The following PTCSC3 variants were observed in gnomAD, a reference collection of about 807,000 sequenced individuals.
PTCSC3 encodes papillary thyroid carcinoma susceptibility candidate 3.
At chr14:36,145,725 G>C (rs1346123200) in intron 3 of PTCSC3, among the ~76,000 whole-genome samples, 1 of 130,618 alleles carries the variant, frequency 7.7e-6, no homozygotes, top group Non-Finnish European at 1.7e-5. Context: ...GTTTGCTCTT[G>C]CTTTTCTAGT....
intron 3 of PTCSC3, among the ~76,000 whole-genome samples, chr14:36,148,003 G>A (rs991562308): frequency 0.016 from 2,432 of 151,734 alleles, 69 homozygotes; most frequent in African/African-American, 0.053. Flanking sequence ...ACCCCCTTGA[G>A]GAGGCAGTCT....
At chr14:36,157,030 A>G (rs1594451821) in intron 2 of PTCSC3, among the ~76,000 whole-genome samples, 1 of 152,152 alleles carries the variant, frequency 6.6e-6, no homozygotes, top group African/African-American at 2.4e-5. Context: ...CCTCCCACCA[A>G]CAGTGTAAAA....
intron 3 of PTCSC3, among the ~76,000 whole-genome samples, chr14:36,144,200 G>T (rs1282389613): frequency 8.9e-4 from 133 of 150,096 alleles, no homozygotes; most frequent in African/African-American, 3.1e-3. Context: ...GTGAAGAAAG[G>T]CATTGGTAGC....
At chr14:36,148,589 G>A (rs539881559) in intron 3 of PTCSC3, among the ~76,000 whole-genome samples, 2 of 152,256 alleles carry the variant, frequency 1.3e-5, no homozygotes, top group South Asian at 4.1e-4. Context: ...GATGAACCTG[G>A]TACCTCAGAT....
intron 3 of PTCSC3, among the ~76,000 whole-genome samples, chr14:36,142,178 C>G (rs1270456651): frequency 6.6e-6 from 1 of 152,154 alleles, no homozygotes; most frequent in Non-Finnish European, 1.5e-5. Context: ...TATTCCTTAT[C>G]AAGCTGAAAA....
At chr14:36,159,596 T>G (rs1365496761) in intron 2 of PTCSC3, among the ~76,000 whole-genome samples, 3 of 152,246 alleles carry the variant, frequency 2.0e-5, no homozygotes, top group Non-Finnish European at 4.4e-5. Context: ...GATTGCACTG[T>G]GGTATGAGAT....
intron 3 of PTCSC3, among the ~76,000 whole-genome samples, chr14:36,151,811 G>A (rs1881730464): frequency 2.0e-5 from 3 of 152,084 alleles, no homozygotes; most frequent in Admixed American, 2.0e-4. Context: ...AGAATGCTCT[G>A]GGCATATTTC....
intron 1 of PTCSC3, among the ~76,000 whole-genome samples, chr14:36,165,510 G>C (rs1882068387): frequency 6.6e-6 from 1 of 151,440 alleles, no homozygotes; most frequent in African/African-American, 2.4e-5. Context: ...AACAGATTGA[G>C]AGTTAAAAAT....
At chr14:36,139,145 T>G (rs8014612) in intron 3 of PTCSC3, among the ~76,000 whole-genome samples, 2 of 115,676 alleles carry the variant, frequency 1.7e-5, no homozygotes, top group African/African-American at 7.0e-5. Context: ...AAAAAAGAAA[T>G]GCATATATGT....
At chr14:36,149,869 A>G (rs1881683404) in intron 3 of PTCSC3, among the ~76,000 whole-genome samples, 1 of 152,128 alleles carries the variant, frequency 6.6e-6, no homozygotes, top group African/African-American at 2.4e-5. Context: ...TCCCTTATCC[A>G]AAATGCTTAG....
downstream of PTCSC3, among the ~76,000 whole-genome samples, chr14:36,135,891 A>G (rs565068845): frequency 3.8e-4 from 56 of 145,690 alleles, no homozygotes; most frequent in Middle Eastern, 3.4e-3. Flanking sequence ...GTGTGTGTGT[A>G]TATATATATG....
intron 1 of PTCSC3, among the ~76,000 whole-genome samples, chr14:36,165,942 G>C (rs1230255079): frequency 6.6e-6 from 1 of 152,084 alleles, no homozygotes; most frequent in Non-Finnish European, 1.5e-5. Flanking sequence ...TTGAAAAGCT[G>C]TCAGTGAACA....
chr14:36,139,621 G>T (rs1881373625), intron 3 of PTCSC3, among the ~76,000 whole-genome samples: 1 of 151,964 alleles, frequency 6.6e-6, no homozygotes, highest in South Asian at 2.1e-4. Context: ...TGCAATTATG[G>T]TCCTTAGTTT....
At chr14:36,137,899 G>A (rs954913822) in intron 3 of PTCSC3, among the ~76,000 whole-genome samples, 23 of 152,156 alleles carry the variant, frequency 1.5e-4, no homozygotes, top group African/African-American at 5.6e-4. Context: ...CTAGAGTTCA[G>A]AGGAAGAATC....
chr14:36,150,317 G>A (rs952946878), intron 3 of PTCSC3, among the ~76,000 whole-genome samples: 1 of 152,124 alleles, frequency 6.6e-6, no homozygotes, highest in Non-Finnish European at 1.5e-5. Context: ...GAGGCCCAAG[G>A]CACTTTGTTC....
At chr14:36,144,009 T>A (rs1210206820) in intron 3 of PTCSC3, among the ~76,000 whole-genome samples, 1 of 152,218 alleles carries the variant, frequency 6.6e-6, no homozygotes, top group Non-Finnish European at 1.5e-5. Context: ...TTCTGTTCCA[T>A]TGATCTATAT....
chr14:36,153,996 G>A (rs1037575677), intron 2 of PTCSC3: 2 of 151,680 alleles, frequency 1.3e-5, no homozygotes, highest in African/African-American at 4.8e-5. Context: ...AGCCTGGGAG[G>A]TCGAGCCTGC....
In PTCSC3 at chr14:36,159,843, T is replaced by C. The variant is rs146188400; in HGVS notation, n.231+2781A>G. On this transcript the variant is annotated intron_variant and non_coding_transcript_variant, in intron 2 of 3. Coordinates refer to ENST00000556013, the Ensembl canonical transcript of PTCSC3. ...ATTGACAGTGTTAGTCTCCCACTAT[T>C]ATTGTGTGGGAGTCTAAGTCTCTTT... Among the ~76,000 whole-genome samples the C allele has an allele frequency of 9.5e-3, 1,446 of 152,176 alleles. 15 individuals are homozygous for C. The highest frequency in any genetic ancestry group is 0.016 in the Non-Finnish European group (1,079 of 67,988).
chr14:36,135,875 A>ATATG (rs1555330220), downstream of PTCSC3, among the ~76,000 whole-genome samples: 19 of 84,352 alleles, frequency 2.3e-4, no homozygotes, highest in East Asian at 7.6e-4. Context: ...ATATATATAT[A>ATATG]TGTGTGTGTG....
Sources: gnomAD v4.1 joint callset for allele counts (sites outside exome capture counted in the v4.1 genomes callset) on GRCh38, gnomAD v4.1.1 for gene constraint, MANE v1.5 for transcripts, NCBI Gene and HGNC (gene_info 2026-07-23, HGNC 2026-07-21) for gene names.